CNTNAP5: variants seen among roughly 807,000 people sequenced by gnomAD.
CNTNAP5 encodes contactin associated protein family member 5, also known as contactin-associated protein-like 5.
Under a neutral mutation model 150.2 loss-of-function variants are expected in CNTNAP5, and 72 were observed. The ratio of observed to expected loss-of-function variants is 0.48; its 90% CI spans 0.40 to 0.58. The LOEUF is 0.58. Ranked by LOEUF, CNTNAP5 falls within the 20% of genes least tolerant of loss-of-function variation. CNTNAP5 has a pLI of 0.00. For synonymous variants in CNTNAP5, 672 were observed against 619.8 expected (o/e 1.08, Z -1.25); for missense variants, 1,636 against 1,626.2 (o/e 1.01, Z -0.10).
At chr2:124,444,783 TC>T (rs1399047830) in intron 5 of CNTNAP5, among the ~76,000 whole-genome samples, 1 of 152,156 alleles carries the variant, frequency 6.6e-6, no homozygotes, top group Non-Finnish European at 1.5e-5. Flanking sequence ...GGGCCACGCT[TC>T]CCTACATCTC....
chr2:124,532,781 TAA>T (rs2104896491), intron 10 of CNTNAP5, among the ~76,000 whole-genome samples: 1 of 152,318 alleles, frequency 6.6e-6, no homozygotes, highest in East Asian at 1.9e-4. Flanking sequence ...ACCTTTGTGC[TAA>T]GAGTTGAATG....
At chr2:124,546,785 A>C (rs1445178029) in intron 10 of CNTNAP5, among the ~76,000 whole-genome samples, 1 of 152,108 alleles carries the variant, frequency 6.6e-6, no homozygotes, top group East Asian at 1.9e-4. Context: ...GATTTGTACA[A>C]ACAAATTTTC....
At chr2:124,886,001 C>G (rs566412167) in intron 21 of CNTNAP5, among the ~76,000 whole-genome samples, 2 of 151,844 alleles carry the variant, frequency 1.3e-5, no homozygotes. Context: ...GGATTTGTTG[C>G]CTTTTGAAAG....
At chr2:124,883,079 T>C (rs1678000063) in intron 21 of CNTNAP5, among the ~76,000 whole-genome samples, 1 of 151,470 alleles carries the variant, frequency 6.6e-6, no homozygotes, top group Non-Finnish European at 1.5e-5. Context: ...TCTTTTTTTT[T>C]TTTTTTTTTG....
At chr2:124,203,780 A>G (rs1293291522) in intron 1 of CNTNAP5, among the ~76,000 whole-genome samples, 1 of 152,180 alleles carries the variant, frequency 6.6e-6, no homozygotes, top group Non-Finnish European at 1.5e-5. Flanking sequence ...CTGAGACTGC[A>G]CAAAGCAGCA....
chr2:124,133,888 T>TTGAA (rs909467468), intron 1 of CNTNAP5, among the ~76,000 whole-genome samples: 6 of 152,222 alleles, frequency 3.9e-5, no homozygotes, highest in Non-Finnish European at 5.9e-5. Flanking sequence ...CAGTAAATTT[T>TTGAA]TGAATGAATG....
intron 21 of CNTNAP5, among the ~76,000 whole-genome samples, chr2:124,878,276 C>T (rs1474363409): frequency 6.6e-6 from 1 of 152,092 alleles, no homozygotes; most frequent in African/African-American, 2.4e-5. Context: ...ATTATGACTT[C>T]ACCACTGACT....
intron 8 of CNTNAP5, among the ~76,000 whole-genome samples, chr2:124,519,973 A>C (rs1436689615): frequency 6.6e-6 from 1 of 152,202 alleles, no homozygotes; most frequent in East Asian, 1.9e-4. Flanking sequence ...CTTTTATTTC[A>C]GCTTAAACAG....
chr2:124,847,093 G>A lies in CNTNAP5; in HGVS notation c.3218-18213G>A, dbSNP rs565420257. 4.0e-4 allele frequency among the ~76,000 whole-genome samples: 61 copies of A among 152,286 alleles called. No individual in the cohort carries two copies. The South Asian group carries it at 0.012, about 31-fold the overall frequency. ...CACTTTTAAGAATGCATCACATGTG[G>A]CCCTATAAGGAGGATGCATTCTTGC... On this transcript the variant is annotated intron_variant, in intron 19 of 23. Transcript: ENST00000682447.
intron 8 of CNTNAP5, among the ~76,000 whole-genome samples, chr2:124,513,126 A>G (rs776072171): frequency 6.6e-5 from 10 of 152,214 alleles, no homozygotes; most frequent in African/African-American, 2.2e-4. Flanking sequence ...GTCTTAAACA[A>G]CAGACATATT....
intron 7 of CNTNAP5, among the ~76,000 whole-genome samples, chr2:124,486,411 G>T (rs866128617): frequency 7.9e-5 from 12 of 152,222 alleles, no homozygotes; most frequent in African/African-American, 2.4e-4. Flanking sequence ...AGAACTTACC[G>T]ATGTAACCAA....
At chr2:124,569,181 A>G (rs909835874) in intron 11 of CNTNAP5, among the ~76,000 whole-genome samples, 1 of 152,116 alleles carries the variant, frequency 6.6e-6, no homozygotes, top group African/African-American at 2.4e-5. Context: ...CATATTTCCA[A>G]CTTGTTTTCC....
intron 21 of CNTNAP5, among the ~76,000 whole-genome samples, chr2:124,884,474 T>G (rs1678038098): frequency 6.6e-6 from 1 of 152,078 alleles, no homozygotes; most frequent in Non-Finnish European, 1.5e-5. Context: ...GCTAGAGGCT[T>G]TACTCATGCT....
intron 3 of CNTNAP5, among the ~76,000 whole-genome samples, chr2:124,272,670 T>A (rs1170163253): frequency 6.6e-6 from 1 of 152,218 alleles, no homozygotes; most frequent in Non-Finnish European, 1.5e-5. Flanking sequence ...CTGATCAGAT[T>A]GCTTCAGTGC....
intron 3 of CNTNAP5, among the ~76,000 whole-genome samples, chr2:124,337,569 T>C (rs1689505335): frequency 1.3e-5 from 2 of 152,318 alleles, no homozygotes; most frequent in Admixed American, 6.5e-5. Context: ...AAGGAAGGGA[T>C]CCAGTTTCAG....
At chr2:124,139,838 C>T (rs946458643) in intron 1 of CNTNAP5, among the ~76,000 whole-genome samples, 16 of 152,162 alleles carry the variant, frequency 1.1e-4, no homozygotes, top group African/African-American at 3.6e-4. Flanking sequence ...GCGTGAGCGA[C>T]GCAGAAGACG....
chr2:124,214,241 C>T (rs941016026), intron 1 of CNTNAP5, among the ~76,000 whole-genome samples: 4 of 152,118 alleles, frequency 2.6e-5, no homozygotes, highest in Non-Finnish European at 5.9e-5. Flanking sequence ...GTCCTCCCAC[C>T]AAGCCACTTA....
At chr2:124,602,108 G>T (rs963468974) in intron 11 of CNTNAP5, among the ~76,000 whole-genome samples, 1 of 152,044 alleles carries the variant, frequency 6.6e-6, no homozygotes, top group Non-Finnish European at 1.5e-5. Flanking sequence ...ACTTTGGGAG[G>T]CCGAGGCGGG....
chr2:124,273,954 G>A (rs1354912135), intron 3 of CNTNAP5, among the ~76,000 whole-genome samples: 1 of 152,142 alleles, frequency 6.6e-6, no homozygotes, highest in Non-Finnish European at 1.5e-5. Flanking sequence ...CACATTTGTA[G>A]GCTGGCATTG....
Sources: allele counts gnomAD v4.1 joint callset (sites outside exome capture counted in the v4.1 genomes callset), GRCh38; gene constraint gnomAD v4.1.1; transcripts MANE v1.5; gene names NCBI Gene and HGNC (gene_info 2026-07-23, HGNC 2026-07-21).